Variants in MAPK6 observed in about 807,000 individuals in gnomAD.
The protein encoded by MAPK6 is mitogen-activated protein kinase 6.
In MAPK6, 19 loss-of-function variants were observed where a neutral mutation model predicts 59.3. The ratio of observed to expected loss-of-function variants is 0.32; its 90% CI spans 0.22 to 0.47. The LOEUF (loss-of-function observed/expected upper bound fraction) is 0.47. Ranked by LOEUF, MAPK6 falls within the 20% of genes least tolerant of loss-of-function variation. The pLI is 1.00. For synonymous variants in MAPK6, 316 were observed against 290.3 expected (o/e 1.09, Z -0.90); for missense variants, 724 against 847.9 (o/e 0.85, Z 1.81).
At chr15:51,979,851 A>G (rs1826647557) in intron 1 of MAPK6, among the ~76,000 whole-genome samples, 1 of 151,740 alleles carries the variant, frequency 6.6e-6, no homozygotes, top group African/African-American at 2.4e-5. Flanking sequence ...GTAAACAGAG[A>G]GACTGTTGCT....
chr15:52,016,068 G>GCGCGCGCGCGCA (rs2030245584), upstream of MAPK6, among the ~76,000 whole-genome samples: 1 of 35,610 alleles, frequency 2.8e-5, no homozygotes, highest in African/African-American at 8.7e-5. Flanking sequence ...GCGCGCGCGC[G>GCGCGCGCGCGCA]CGCACACACA....
chr15:52,065,046 T>G lies in MAPK6; in HGVS notation c.*46T>G, dbSNP rs751119360. 2.0e-6 allele frequency: 3 copies of G among 1,502,554 alleles called. No homozygotes were observed. The highest frequency in any genetic ancestry group is 2.7e-6 in the Non-Finnish European group (3 of 1,122,788). The allele number at this position is 1,502,554 out of a possible 1,614,324, so 93.1% of individuals were successfully genotyped here. ...CTTTGTATTCTTCATGAAATGTGTT[T>G]TGTCTTTTTTTATTACTAGTGTTTA... On this transcript the variant is annotated 3_prime_UTR_variant, in exon 6 of 6. Coordinates refer to ENST00000261845, the MANE Select transcript of MAPK6 (RefSeq NM_002748.4).
intron 2 of MAPK6, among the ~76,000 whole-genome samples, chr15:51,998,377 G>C (rs547407055): frequency 3.6e-4 from 55 of 151,450 alleles, no homozygotes; most frequent in Admixed American, 2.1e-3. Flanking sequence ...GCTAATTTTT[G>C]TATTTTTAGT....
chr15:52,047,059 A>C, intron 2 of MAPK6, 44 bp downstream of exon 2: 10 of 1,367,704 alleles, frequency 7.3e-6, no homozygotes, highest in Non-Finnish European at 8.8e-6. Context: ...AAACTGATAC[A>C]CCTAATCAGG....
At chr15:52,010,659 C>G (rs1238378465) in intron 3 of MAPK6, among the ~76,000 whole-genome samples, 1 of 151,754 alleles carries the variant, frequency 6.6e-6, no homozygotes, top group Non-Finnish European at 1.5e-5. Context: ...GCTGGGACTA[C>G]AGGCACACAT....
chr15:52,034,941 G>C (rs991740824), intron 1 of MAPK6, among the ~76,000 whole-genome samples: 16 of 152,100 alleles, frequency 1.1e-4, no homozygotes, highest in African/African-American at 3.9e-4. Context: ...CAAGTGATCT[G>C]CTTGCTGGCC....
intron 1 of MAPK6, among the ~76,000 whole-genome samples, chr15:52,037,023 G>A (rs954908730): frequency 6.6e-6 from 1 of 152,306 alleles, no homozygotes; most frequent in African/African-American, 2.4e-5. Context: ...GAATTGGCCA[G>A]ATGCGGGGCT....
chr15:52,061,954 A>G (rs1169013663), intron 5 of MAPK6, among the ~76,000 whole-genome samples: 1 of 152,178 alleles, frequency 6.6e-6, no homozygotes, highest in African/African-American at 2.4e-5. Flanking sequence ...ATGAATGTCA[A>G]AAATTTAAGA....
At chr15:51,997,502 C>T (rs1395179850) in intron 2 of MAPK6, among the ~76,000 whole-genome samples, 3 of 152,030 alleles carry the variant, frequency 2.0e-5, no homozygotes, top group Non-Finnish European at 2.9e-5. Context: ...AAGTGATCTA[C>T]CCGCCTTGGC....
In MAPK6 at chr15:52,060,838, A is replaced by G. The variant is rs151018001; in HGVS notation, c.866-461A>G. ...AAGGATGGGAAAGGGCTTTTATTAC[A>G]TACCAGACACTATGATTACATCTCA... On this transcript the variant is annotated intron_variant, in intron 4 of 5. Transcript: ENST00000261845. Among the ~76,000 whole-genome samples, 409 of 152,336 alleles carry G rather than the reference A, an allele frequency of 2.7e-3. 1 individual carries two copies. The highest frequency in any genetic ancestry group is 6.8e-3 in the Middle Eastern group (2 of 294).
intron 1 of MAPK6, among the ~76,000 whole-genome samples, chr15:52,022,905 C>T (rs1450730889): frequency 1.3e-5 from 2 of 151,986 alleles, no homozygotes; most frequent in East Asian, 1.9e-4. Flanking sequence ...GTCAGGAAAT[C>T]GAGACCATCC....
At chr15:51,979,638 C>G (rs1279186912) in intron 1 of MAPK6, among the ~76,000 whole-genome samples, 1 of 151,474 alleles carries the variant, frequency 6.6e-6, no homozygotes, top group Non-Finnish European at 1.5e-5. Flanking sequence ...ACGAAAAATA[C>G]TAAAATTAAC....
intron 3 of MAPK6, among the ~76,000 whole-genome samples, chr15:52,057,651 T>TAGC (rs2032034555): frequency 6.6e-6 from 1 of 152,130 alleles, no homozygotes; most frequent in Non-Finnish European, 1.5e-5. Context: ...TCCAAGCAAT[T>TAGC]CTTGTGCTTC....
At position 52,028,241 on chromosome 15, in the gene MAPK6, C is replaced by T. The variant is rs952379097; in HGVS notation, c.-632+8865C>T. On this transcript the variant is annotated intron_variant, in intron 1 of 5. Transcript: ENST00000261845. The stretch of plus-strand genomic sequence containing the variant: ...TGCTGGGATTACAGGTGTGAACCAC[C>T]GCGCCCGGCAATTTTTGTATTTTTA... 5.3e-4 allele frequency among the ~76,000 whole-genome samples: 81 copies of T among 152,186 alleles called. 1 individual carries two copies. Among genetic ancestry groups the T allele is most frequent in the Middle Eastern group, 3.4e-3 (1 of 294 alleles).
At chr15:52,021,854 T>C (rs1004902701) in intron 1 of MAPK6, among the ~76,000 whole-genome samples, 6 of 152,210 alleles carry the variant, frequency 3.9e-5, no homozygotes, top group South Asian at 2.1e-4. Flanking sequence ...TAAAGACAAT[T>C]TGAAATAGGT....
rs2031588846 is a variant in MAPK6, at chr15:52,046,235, A to C, written c.-226A>C. ...CCCTTTCTTGAACTATGAGTACTGC[A>C]ATCTTTTTAATTCTCAATATGAATA... On this transcript the variant is annotated 5_prime_UTR_variant, in exon 2 of 6. Coordinates refer to ENST00000261845, the MANE Select transcript of MAPK6 (RefSeq NM_002748.4). The C allele has an allele frequency of 1.6e-5, 7 of 450,638 alleles. No homozygotes were observed. The allele number at this position is 450,638 out of a possible 1,614,324, so 27.9% of individuals were successfully genotyped here. A position where few individuals can be genotyped will look rare whatever the true frequency, so the allele number is the denominator to read the frequency against.
intron 2 of MAPK6, among the ~76,000 whole-genome samples, chr15:51,995,371 A>G (rs932731112): frequency 2.6e-5 from 4 of 152,180 alleles, no homozygotes; most frequent in African/African-American, 9.6e-5. Flanking sequence ...CAGCTGTAGG[A>G]GTTGATGACT....
chr15:52,022,150 CCT>C (rs1172368010), intron 1 of MAPK6, among the ~76,000 whole-genome samples: 4 of 152,054 alleles, frequency 2.6e-5, no homozygotes, highest in African/African-American at 9.7e-5. Context: ...ATAACGAGAC[CCT>C]GTCTCAATTT....
chr15:52,027,651 T>G (rs1184315278), intron 1 of MAPK6: 3 of 148,310 alleles, frequency 2.0e-5, no homozygotes, highest in Non-Finnish European at 3.0e-5. Flanking sequence ...GGGGTCTCCC[T>G]GTGTTGCCCA....
Sources: gnomAD v4.1 joint callset for allele counts (sites outside exome capture counted in the v4.1 genomes callset) on GRCh38, gnomAD v4.1.1 for gene constraint, MANE v1.5 for transcripts, NCBI Gene and HGNC (gene_info 2026-07-23, HGNC 2026-07-21) for gene names.